Variants in SCLT1 observed in about 807,000 individuals in gnomAD.
SCLT1 encodes sodium channel and clathrin linker 1.
In SCLT1, 78 loss-of-function variants were observed where a neutral mutation model predicts 112.8. That is an observed-to-expected ratio of 0.69 (90% CI 0.58 to 0.83). The LOEUF (loss-of-function observed/expected upper bound fraction) is 0.83, where lower values mean the gene tolerates loss of function less well. SCLT1 is among the 40% of genes least tolerant of loss of function. SCLT1 has a pLI of 0.00. For synonymous variants in SCLT1, 257 were observed against 254.7 expected, an observed-to-expected ratio of 1.01 and a Z score of -0.09; for missense variants, 747 against 770.4, an observed-to-expected ratio of 0.97 and a Z score of 0.36.
chr4:128,898,431 C>T (rs1733970822), intron 18 of SCLT1, among the ~76,000 whole-genome samples: 1 of 152,036 alleles, frequency 6.6e-6, no homozygotes, highest in African/African-American at 2.4e-5. Context: ...CTACTGGGTA[C>T]ATAACAAAAT....
In SCLT1 at chr4:129,004,949, T is replaced by C. The variant is rs188324072; in HGVS notation, c.291-1073A>G. Among the ~76,000 whole-genome samples the C allele has an allele frequency of 5.2e-3, 782 of 151,820 alleles. 4 individuals are homozygous for C. Among genetic ancestry groups the C allele is most frequent in the Non-Finnish European group, 9.1e-3 (619 of 67,824 alleles). On this transcript the variant is annotated intron_variant, in intron 5 of 20. Coordinates refer to ENST00000281142, the MANE Select transcript of SCLT1 (RefSeq NM_144643.4). ...ATATCTAACAGTGTTTTTAAAAACT[T>C]TTATTTTTCCTATATGAAATGTTTA... is the stretch of plus-strand genomic sequence containing the variant.
At chr4:128,887,709 G>A (rs1732991167) in intron 20 of SCLT1, among the ~76,000 whole-genome samples, 2 of 152,206 alleles carry the variant, frequency 1.3e-5, no homozygotes, top group South Asian at 2.1e-4. Context: ...TTTATATGAT[G>A]TGTGTGTATT....
chr4:128,929,299 AAAG>A (rs1279204123), intron 18 of SCLT1, among the ~76,000 whole-genome samples: 1 of 152,234 alleles, frequency 6.6e-6, no homozygotes, highest in African/African-American at 2.4e-5. Context: ...CTGAGACATT[AAAG>A]AAGACCTAAA....
At chr4:128,949,235 T>C (rs1738477789) in intron 14 of SCLT1, among the ~76,000 whole-genome samples, 1 of 150,332 alleles carries the variant, frequency 6.7e-6, no homozygotes, top group Admixed American at 6.6e-5. Flanking sequence ...TTTTTTTTTT[T>C]CGTGAGACAG....
At chr4:129,037,149 A>C (rs554494084) in intron 5 of SCLT1, 1 of 151,738 alleles carries the variant, frequency 6.6e-6, no homozygotes, top group South Asian at 2.1e-4. Flanking sequence ...GATTTACTTT[A>C]AGTTAAAAAA....
At position 128,884,085 on chromosome 4, in the gene SCLT1, G is replaced by A. The variant is rs2125917983; in HGVS notation, c.*392C>T. The A allele has an allele frequency of 6.3e-6, 1 of 157,588 alleles. No homozygotes were observed. Among genetic ancestry groups the A allele is most frequent in the Middle Eastern group, 3.2e-3 (1 of 310 alleles). 9.8% of individuals were successfully genotyped at this position (157,588 alleles called of 1,614,324 possible). On this transcript the variant is annotated 3_prime_UTR_variant, in exon 21 of 21. Transcript: ENST00000281142. ...AATGAGTTAGAAGTAACAATTAGAT[G>A]TAAAATTCTCAAATCTTGGAAACTG...
At chr4:128,902,091 G>A (rs1224497384) in intron 18 of SCLT1, among the ~76,000 whole-genome samples, 1 of 151,982 alleles carries the variant, frequency 6.6e-6, no homozygotes, top group Non-Finnish European at 1.5e-5. Flanking sequence ...GTTTTGTAGA[G>A]ATGATGTCTC....
At chr4:129,068,948 G>A (rs1561046458) in intron 2 of SCLT1, among the ~76,000 whole-genome samples, 1 of 152,104 alleles carries the variant, frequency 6.6e-6, no homozygotes, top group African/African-American at 2.4e-5. Flanking sequence ...GTTGATTTTT[G>A]TTTAAGGTGG....
intron 18 of SCLT1, among the ~76,000 whole-genome samples, chr4:128,922,349 GT>G (rs1358962255): frequency 3.3e-5 from 5 of 152,076 alleles, no homozygotes; most frequent in Admixed American, 3.3e-4. Flanking sequence ...ACGCATGCTT[GT>G]GTAGATTCAC....
intron 18 of SCLT1, among the ~76,000 whole-genome samples, chr4:128,894,425 G>A (rs1203815476): frequency 1.3e-5 from 2 of 151,162 alleles, no homozygotes; most frequent in African/African-American, 4.9e-5. Context: ...GAGTATATGT[G>A]TGTGTGTATG....
At chr4:129,056,986 A>T (rs1235646141) in intron 2 of SCLT1, among the ~76,000 whole-genome samples, 1 of 152,184 alleles carries the variant, frequency 6.6e-6, no homozygotes, top group East Asian at 1.9e-4. Flanking sequence ...TATGGTCTTA[A>T]TTGGGCTGAG....
intron 4 of SCLT1, chr4:128,874,693 C>G (rs1278652124): frequency 6.6e-6 from 1 of 152,550 alleles, no homozygotes; most frequent in Non-Finnish European, 1.5e-5. Flanking sequence ...AGCCCAAACA[C>G]CCACTTGCGT....
chr4:128,997,398 G>A (rs983495145), intron 8 of SCLT1: 1 of 151,738 alleles, frequency 6.6e-6, no homozygotes, highest in Non-Finnish European at 1.5e-5. Flanking sequence ...AGAATAAGAA[G>A]GTAAAGAGCA....
intron 18 of SCLT1, among the ~76,000 whole-genome samples, chr4:128,933,485 T>C (rs551611617): frequency 1.3e-5 from 2 of 152,264 alleles, no homozygotes; most frequent in South Asian, 2.1e-4. Context: ...CATTTTGATG[T>C]GACCCCAGTA....
chr4:129,012,618 T>G (rs1042357996), intron 5 of SCLT1, among the ~76,000 whole-genome samples: 4 of 152,018 alleles, frequency 2.6e-5, no homozygotes, highest in African/African-American at 9.7e-5. Context: ...TTCAGTGTGG[T>G]GTTAAAGACT....
intron 18 of SCLT1, among the ~76,000 whole-genome samples, chr4:128,907,343 A>C (rs1271482511): frequency 6.6e-6 from 1 of 152,208 alleles, no homozygotes; most frequent in African/African-American, 2.4e-5. Context: ...TTATTGCAGT[A>C]ATCCAGGTGA....
chr4:128,961,062 C>T lies in SCLT1; in HGVS notation c.870-1285G>A, dbSNP rs967539337. Among the ~76,000 whole-genome samples the T allele has an allele frequency of 6.0e-5, 9 of 150,160 alleles. 1 individual carries two copies. The highest frequency in any genetic ancestry group is 3.9e-4 in the East Asian group (2 of 5,112). On this transcript the variant is annotated intron_variant, in intron 11 of 20. Coordinates refer to ENST00000281142, the MANE Select transcript of SCLT1 (RefSeq NM_144643.4). The stretch of plus-strand genomic sequence containing the variant: ...CTATTGACTCTATTTAGGGAATCTT[C>T]GCCACACTAAAAATTTAATACAGCT...
chr4:129,002,896 A>C (rs1273981436), intron 6 of SCLT1, among the ~76,000 whole-genome samples: 1 of 152,162 alleles, frequency 6.6e-6, no homozygotes, highest in Non-Finnish European at 1.5e-5. Flanking sequence ...GGGATCTAGA[A>C]CTAGAAATAC....
chr4:128,969,043 G>A (rs1424012622), intron 10 of SCLT1, among the ~76,000 whole-genome samples: 3 of 152,194 alleles, frequency 2.0e-5, no homozygotes, highest in African/African-American at 7.2e-5. Context: ...TTTCTCGCAT[G>A]TATTCAATTA....
Sources: gnomAD v4.1 joint callset for allele counts (sites outside exome capture counted in the v4.1 genomes callset) on GRCh38, gnomAD v4.1.1 for gene constraint, MANE v1.5 for transcripts, NCBI Gene and HGNC (gene_info 2026-07-23, HGNC 2026-07-21) for gene names.